The following TMPRSS3 variants were observed in gnomAD, a reference collection of about 807,000 sequenced individuals.
TMPRSS3 encodes transmembrane serine protease 3, also known as transmembrane protease serine 3.
In TMPRSS3, 55 loss-of-function variants were observed where a neutral mutation model predicts 59.6. The observed-to-expected ratio is 0.92, with a 90% confidence interval of 0.74 to 1.16. The LOEUF is 1.16. TMPRSS3 is among the 50% of genes most tolerant of loss of function. The probability of loss-of-function intolerance (pLI) is 0.00; values close to 1 mark genes in which losing one functional copy is unlikely to be tolerated. For missense variants in TMPRSS3, 596 were observed against 579.4 expected, an observed-to-expected ratio of 1.03 and a Z score of -0.29; for synonymous variants, 257 against 237.7, an observed-to-expected ratio of 1.08 and a Z score of -0.75.
chr21:42,380,024 G>T, intron 10 of TMPRSS3, 93 bp downstream of exon 10: 1 of 1,065,270 alleles, frequency 9.4e-7, no homozygotes, highest in Non-Finnish European at 1.4e-6. Context: ...GGCAGCCCAT[G>T]GGAACATCAC....
intron 8 of TMPRSS3, 100 bp downstream of exon 8, chr21:42,382,933 T>C: frequency 7.0e-7 from 1 of 1,428,794 alleles, no homozygotes; most frequent in Non-Finnish European, 9.7e-7. Flanking sequence ...TTAGTCTCTC[T>C]GTCTTCCCTC....
intron 9 of TMPRSS3, 34 bp from the exon 10 acceptor site, chr21:42,380,246 T>C (rs2052503877): frequency 1.9e-6 from 3 of 1,557,172 alleles, no homozygotes; most frequent in Non-Finnish European, 2.7e-6. Context: ...CACAACTCAA[T>C]TGAAGCAGGA....
At chr21:42,374,360 G>T (rs2052385280) in intron 12 of TMPRSS3, among the ~76,000 whole-genome samples, 1 of 152,240 alleles carries the variant, frequency 6.6e-6, no homozygotes, top group Non-Finnish European at 1.5e-5. Flanking sequence ...GCTAGCCCAG[G>T]TCTCAGTCCC....
At chr21:42,389,126 T>C in intron 3 of TMPRSS3, 81 bp from the exon 4 acceptor site, 1 of 1,597,244 alleles carries the variant, frequency 6.3e-7, no homozygotes, top group Non-Finnish European at 8.5e-7. Context: ...TGCCACACAG[T>C]GCGGAGCTGG....
At chr21:42,380,235 T>TCA in intron 9 of TMPRSS3, 23 bp from the exon 10 acceptor site, 3 of 1,589,560 alleles carry the variant, frequency 1.9e-6, no homozygotes, top group South Asian at 1.1e-5. Flanking sequence ...AAACAATAGT[T>TCA]CACAACTCAA....
intron 7 of TMPRSS3, 107 bp downstream of exon 7, chr21:42,383,863 G>C: frequency 8.2e-7 from 1 of 1,226,138 alleles, no homozygotes; most frequent in Non-Finnish European, 1.2e-6. Context: ...TGGCACCCAG[G>C]AGGAAGGGAT....
At chr21:42,395,853 C>A in intron 1 of TMPRSS3, 89 bp downstream of exon 1, 1 of 450,328 alleles carries the variant, frequency 2.2e-6, no homozygotes, top group Non-Finnish European at 4.4e-6. Flanking sequence ...TGCTTTTTTG[C>A]GATTGTTTTC....
At chr21:42,382,332 G>T in intron 8 of TMPRSS3, 98 bp from the exon 9 acceptor site, 1 of 1,105,684 alleles carries the variant, frequency 9.0e-7, no homozygotes, top group Non-Finnish European at 1.3e-6. Context: ...TGGTGGGAGA[G>T]GTTATCAGGC....
chr21:42,383,393 T>C lies in TMPRSS3; in HGVS notation c.617-195A>G, dbSNP rs2052569917. On this transcript the variant is annotated intron_variant, in intron 7 of 12. Coordinates refer to ENST00000644384, the MANE Select transcript of TMPRSS3 (RefSeq NM_001256317.3). ...TCAGGCTCTTGGGGAGACCTGAGGATGGTGGGTGCTGTGGAGGATGCGGTG... is the reference window on the plus strand; with the variant it reads ...TCAGGCTCTTGGGGAGACCTGAGGACGGTGGGTGCTGTGGAGGATGCGGTG... 4 of 638,366 alleles carry C rather than the reference T, an allele frequency of 6.3e-6. No homozygotes were observed. The East Asian group carries it at 1.1e-4, about 17-fold the overall frequency. 39.5% of individuals were successfully genotyped at this position (638,366 alleles called of 1,614,324 possible).
intron 2 of TMPRSS3, chr21:42,390,470 G>A (rs1207077920): frequency 3.3e-5 from 7 of 213,090 alleles, no homozygotes; most frequent in African/African-American, 1.1e-4. Context: ...GCTCACTCCT[G>A]TAATCCCAAC....
At chr21:42,374,388 C>T (rs1169054811) in intron 12 of TMPRSS3, among the ~76,000 whole-genome samples, 4 of 152,260 alleles carry the variant, frequency 2.6e-5, no homozygotes, top group African/African-American at 4.8e-5. Flanking sequence ...ACCCTGTGCC[C>T]GTGGGCACCA....
At chr21:42,383,767 T>A (rs2052577344) in intron 7 of TMPRSS3, 1 of 717,430 alleles carries the variant, frequency 1.4e-6, no homozygotes, top group East Asian at 2.7e-5. Flanking sequence ...GCTCTGGCTG[T>A]CTCCCCCACC....
At chr21:42,374,805 C>A (rs528608765) in intron 12 of TMPRSS3, among the ~76,000 whole-genome samples, 8 of 152,008 alleles carry the variant, frequency 5.3e-5, no homozygotes, top group African/African-American at 1.7e-4. Context: ...TTGGAAACTA[C>A]GACTTTAAGC....
At chr21:42,376,352 C>T (rs2052427863) in intron 11 of TMPRSS3, among the ~76,000 whole-genome samples, 189 bp downstream of exon 11, 1 of 152,220 alleles carries the variant, frequency 6.6e-6, no homozygotes, top group Non-Finnish European at 1.5e-5. Context: ...CACCCAGCAC[C>T]CACGCAGAGC....
chr21:42,374,669 TGCACA>T (rs2052390725), intron 12 of TMPRSS3, among the ~76,000 whole-genome samples: 1 of 152,118 alleles, frequency 6.6e-6, no homozygotes, highest in South Asian at 2.1e-4. Flanking sequence ...AGGTGGTGTC[TGCACA>T]GCCCTGTGAA....
Position 42,382,146 on chromosome 21 carries a change from C to T in TMPRSS3, c.871G>A (p.Val291Ile), listed in dbSNP as rs757064799. The T allele has an allele frequency of 3.1e-6, 5 of 1,614,066 alleles. No homozygotes were observed. Among genetic ancestry groups the T allele is most frequent in the Admixed American group, 3.3e-5 (2 of 60,008 alleles). Residue 291 changes from valine (V) to isoleucine (I), a missense_variant, in exon 9 of 13, where the codon GTC (valine) becomes ATC (isoleucine). Coordinates refer to ENST00000644384, the MANE Select transcript of TMPRSS3 (RefSeq NM_001256317.3). ...TTTGGCTTGTACTTGCTGTGGTAGA[C>T]AATCTTCTCCACCAAGTGGGATGGG... The part of the protein sequence containing the change: ...PAPSHLVEKI[V>I]YHSKYKPKRL...
intron 10 of TMPRSS3, among the ~76,000 whole-genome samples, chr21:42,379,819 C>A (rs2052492131): frequency 6.6e-6 from 1 of 152,092 alleles, no homozygotes. Context: ...CTCTGTATGT[C>A]CTCAGTTAAC....
At chr21:42,386,613 C>G (rs1033471279) in intron 5 of TMPRSS3, among the ~76,000 whole-genome samples, 1 of 152,194 alleles carries the variant, frequency 6.6e-6, no homozygotes, top group Non-Finnish European at 1.5e-5. Context: ...CCCACCAAGC[C>G]CTTCCACACT....
intron 5 of TMPRSS3, 85 bp from the exon 6 acceptor site, chr21:42,385,619 G>A: frequency 1.3e-6 from 2 of 1,539,940 alleles, no homozygotes; most frequent in African/African-American, 1.4e-5. Context: ...CAATATTACA[G>A]GGATTGTACA....
Sources: allele counts gnomAD v4.1 joint callset (sites outside exome capture counted in the v4.1 genomes callset), GRCh38; gene constraint gnomAD v4.1.1; transcripts MANE v1.5; gene names NCBI Gene and HGNC (gene_info 2026-07-23, HGNC 2026-07-21).